The following HEATR1 variants were observed in gnomAD, a reference collection of about 807,000 sequenced individuals.
HEATR1 encodes HEAT repeat-containing protein 1.
A neutral mutation model predicts 248.2 loss-of-function variants in HEATR1; 77 were observed. The ratio of observed to expected loss-of-function variants is 0.31; its 90% CI spans 0.26 to 0.37. The LOEUF is 0.37. HEATR1 is among the 10% of genes least tolerant of loss of function. The pLI is 1.00. For synonymous variants in HEATR1, 897 were observed against 923.1 expected (o/e 0.97, Z 0.51); for missense variants, 2,420 against 2,504.9 (o/e 0.97, Z 0.72).
intron 36 of HEATR1, among the ~76,000 whole-genome samples, chr1:236,557,648 T>C (rs200753794): frequency 6.6e-6 from 1 of 152,160 alleles, no homozygotes; most frequent in African/African-American, 2.4e-5. Context: ...TCCTATGAGG[T>C]AGATACTGTC....
intron 13 of HEATR1, 49 bp downstream of exon 13, chr1:236,587,899 A>C: frequency 7.5e-7 from 1 of 1,333,494 alleles, no homozygotes; most frequent in Non-Finnish European, 1.1e-6. Flanking sequence ...TGAGAAGGGC[A>C]AGGAAATTTA....
At chr1:236,571,813 A>G (rs1324376389) in intron 26 of HEATR1, 127 bp from the exon 27 acceptor site, 22 of 673,834 alleles carry the variant, frequency 3.3e-5, no homozygotes, top group Non-Finnish European at 5.3e-5. Context: ...CTAAAATACT[A>G]TCATTAAACA....
intron 38 of HEATR1, 26 bp downstream of exon 38, chr1:236,556,074 A>G (rs376154256): frequency 6.2e-7 from 1 of 1,613,462 alleles, no homozygotes; most frequent in African/African-American, 1.3e-5. Context: ...CCTTCTCCAA[A>G]GTCTTAATAC....
rs562594310 is a variant in HEATR1 at position 236,575,043 on chromosome 1, T to G, written c.3085-140A>C. The G allele has an allele frequency of 8.3e-6, 6 of 720,452 alleles. No individual in the cohort carries two copies. In the Admixed American group the frequency reaches 1.2e-4, roughly 14 times the overall value. The allele number at this position is 720,452 out of a possible 1,614,324, so 44.6% of individuals were successfully genotyped here. On this transcript the variant is annotated intron_variant, in intron 22 of 44. Coordinates refer to ENST00000366582, the MANE Select transcript of HEATR1 (RefSeq NM_018072.6). ...CCCAATGATGGTAACTTCTTAGACA[T>G]GGAGACAGCTATTAATTCACACTAA... is the stretch of plus-strand genomic sequence containing the variant.
chr1:236,553,515 C>T lies in HEATR1; in HGVS notation c.6237+66G>A, dbSNP rs1425860334. ...ACTAGGGGGCCTACATCTGTGACCA[C>T]CTGCAGGCTGTTTAGGCTATGCAGT... is the stretch of plus-strand genomic sequence containing the variant. On this transcript the variant is annotated intron_variant, in intron 43 of 44. Transcript: ENST00000366582. The T allele has an allele frequency of 4.0e-6, 6 of 1,497,360 alleles. No individual in the cohort carries two copies. In the Admixed American group the frequency reaches 9.5e-5, roughly 24 times the overall value. The allele number at this position is 1,497,360 out of a possible 1,614,324, so 92.8% of individuals were successfully genotyped here. A position where few individuals can be genotyped will look rare whatever the true frequency, so the allele number is the denominator to read the frequency against.
intron 33 of HEATR1, among the ~76,000 whole-genome samples, chr1:236,560,986 C>T (rs547603801): frequency 6.6e-6 from 1 of 152,282 alleles, no homozygotes; most frequent in East Asian, 1.9e-4. Context: ...GATCAATGTA[C>T]TGTGGTTTTA....
Position 236,559,744 on chromosome 1 carries a change from G to C in HEATR1, c.4740C>G (p.Leu1580=), listed in dbSNP as rs1413590637. ...DKLTVKFWRA[L]LSKAYDLLDK... ...CTAACAGGTCGTAAGCTTTACTAAG[G>C]AGCGCGCGCCAGAACTTCACGGTGA... is the stretch of plus-strand genomic sequence containing the variant. The change falls in exon 34 of 45, where the codon CTC becomes CTG. Residue 1580 remains leucine (L), a synonymous_variant. Coordinates refer to ENST00000366582, the MANE Select transcript of HEATR1 (RefSeq NM_018072.6). 1.2e-6 allele frequency: 2 copies of C among 1,613,718 alleles called. No individual in the cohort carries two copies. The highest frequency in any genetic ancestry group is 1.7e-5 in the Admixed American group (1 of 59,994).
chr1:236,593,131 T>G (rs1435435102), intron 9 of HEATR1, among the ~76,000 whole-genome samples: 2 of 151,708 alleles, frequency 1.3e-5, no homozygotes, highest in Non-Finnish European at 2.9e-5. Flanking sequence ...GAGGCGGAGG[T>G]TGCAGTGAGC....
chr1:236,563,646 T>G (rs1443211546), intron 32 of HEATR1, among the ~76,000 whole-genome samples: 1 of 152,218 alleles, frequency 6.6e-6, no homozygotes, highest in African/African-American at 2.4e-5. Flanking sequence ...TGGTTTCCCT[T>G]CTTCATCTGT....
chr1:236,582,084 T>C (rs186592694), intron 19 of HEATR1, among the ~76,000 whole-genome samples: 235 of 152,252 alleles, frequency 1.5e-3, no homozygotes, highest in African/African-American at 5.6e-3. Flanking sequence ...ATAACCCAAA[T>C]AACCCACAGT....
At position 236,574,873 on chromosome 1, in the gene HEATR1, C is replaced by T. The variant is rs772521784; in HGVS notation, c.3115G>A (p.Glu1039Lys). 5.0e-6 allele frequency: 8 copies of T among 1,613,482 alleles called. No individual in the cohort carries two copies. The Admixed American group carries it at 6.7e-5, about 13-fold the overall frequency. Residue 1039 changes from glutamate (E) to lysine (K), a missense_variant, in exon 23 of 45, where the codon GAA becomes AAA. By Grantham distance (56) the Glu-to-Lys change is moderately conservative. Coordinates refer to ENST00000366582, the MANE Select transcript of HEATR1 (RefSeq NM_018072.6). ...TTCTGGATCTTTTCTAGCAGTTGTTCAGCCATAGGCAATAGCTGAGAAAGC... is the reference window on the plus strand; with the variant it reads ...TTCTGGATCTTTTCTAGCAGTTGTTTAGCCATAGGCAATAGCTGAGAAAGC... ...MVLSQLLPMA[E>K]QLLEKIQKEP...
rs772355088 is a variant in HEATR1, at chr1:236,568,988, G to C, written c.4077+8C>G. 6.4e-7 allele frequency: 1 copy of C among 1,557,076 alleles called. No individual in the cohort carries two copies. Among genetic ancestry groups the C allele is most frequent in the South Asian group, 1.2e-5 (1 of 81,442 alleles). On this transcript the variant is annotated splice_region_variant and intron_variant, in intron 29 of 44. Transcript: ENST00000366582. ...AAGAAACCCCACGATGGTATAAAGA[G>C]ACCTTACCTGAATAAGTGCGGGAAT... is the stretch of plus-strand genomic sequence containing the variant.
At position 236,603,039 on chromosome 1, in the gene HEATR1, T is replaced by C. The variant is rs1278731919; in HGVS notation, c.359+121A>G. The C allele has an allele frequency of 3.0e-5, 20 of 669,558 alleles. No individual in the cohort carries two copies. In the Admixed American group the frequency reaches 4.1e-4, roughly 14 times the overall value. 41.5% of individuals were successfully genotyped at this position (669,558 alleles called of 1,614,324 possible). ...GCATGCTTATCTCACACAATGGACA[T>C]TGTATCAATCTCTTAATATACCTAA... On this transcript the variant is annotated intron_variant, in intron 3 of 44. Transcript: ENST00000366582.
chr1:236,566,565 C>A (rs1231567198), intron 30 of HEATR1, 81 bp downstream of exon 30: 1 of 994,130 alleles, frequency 1.0e-6, no homozygotes, highest in East Asian at 2.6e-5. Context: ...GCATCATCAG[C>A]CCCATGTTTA....
chr1:236,600,293 AT>A (rs199822511), intron 3 of HEATR1, among the ~76,000 whole-genome samples: 2,718 of 143,474 alleles, frequency 0.019, 17 homozygotes, highest in Middle Eastern at 0.079. Flanking sequence ...TGCCCAGCTA[AT>A]TTTTTTTTTT....
At chr1:236,571,900 G>A (rs1300184763) in intron 26 of HEATR1, among the ~76,000 whole-genome samples, 3 of 152,104 alleles carry the variant, frequency 2.0e-5, no homozygotes, top group African/African-American at 7.2e-5. Context: ...CAAATTCCAC[G>A]TCCTCTCTAT....
chr1:236,595,417 G>A, intron 8 of HEATR1, 123 bp downstream of exon 8: 3 of 783,210 alleles, frequency 3.8e-6, no homozygotes, highest in South Asian at 5.0e-5. Flanking sequence ...AAATAGACAA[G>A]TTACACAAGA....
intron 25 of HEATR1, 27 bp from the exon 26 acceptor site, chr1:236,572,581 G>A: frequency 1.2e-6 from 2 of 1,612,602 alleles, no homozygotes; most frequent in Middle Eastern, 1.7e-4. Flanking sequence ...ACAAAACGTT[G>A]GAAAAGCAAA....
In HEATR1 at chr1:236,590,808, A is replaced by AG. The variant is rs761138553; in HGVS notation, c.1530+38dup. On this transcript the variant is annotated intron_variant, in intron 12 of 44. Transcript: ENST00000366582. Reference sequence around the variant, plus strand: ...ATTCAGAATTACACTGCTCATCATAAGAAAAAAAAACCATATAAAAAAGCG... The same window carrying AG: ...ATTCAGAATTACACTGCTCATCATAAGGAAAAAAAAACCATATAAAAAAGCG... 3.6e-6 allele frequency: 4 copies of AG among 1,104,936 alleles called. No homozygotes were observed. The East Asian group carries it at 7.7e-5, about 21-fold the overall frequency. The allele number at this position is 1,104,936 out of a possible 1,614,324, so 68.4% of individuals were successfully genotyped here. A position where few individuals can be genotyped will look rare whatever the true frequency, so the allele number is the denominator to read the frequency against.
Sources: allele counts gnomAD v4.1 joint callset (sites outside exome capture counted in the v4.1 genomes callset), GRCh38; gene constraint gnomAD v4.1.1; transcripts MANE v1.5; gene names NCBI Gene and HGNC (gene_info 2026-07-23, HGNC 2026-07-21).